The following TRIM16 variants were observed in gnomAD, a reference collection of about 807,000 sequenced individuals.
TRIM16 encodes the protein tripartite motif-containing protein 16.
Under a neutral mutation model 50.4 loss-of-function variants are expected in TRIM16, and 33 were observed. The observed-to-expected ratio is 0.65, with a 90% CI of 0.50 to 0.88. The LOEUF (loss-of-function observed/expected upper bound fraction) is 0.88. Among genes scored for constraint, TRIM16 ranks in the 40% least tolerant of loss-of-function variants. The pLI is 0.00. For missense variants in TRIM16, 581 were observed against 686.8 expected (o/e 0.85, Z 1.72); for synonymous variants, 229 against 270.7 (o/e 0.85, Z 1.51).
At chr17:15,644,248 C>T (rs1238271691) in intron 7 of TRIM16, among the ~76,000 whole-genome samples, 4 of 152,026 alleles carry the variant, frequency 2.6e-5, no homozygotes, top group African/African-American at 4.8e-5. Flanking sequence ...TGCAGTGGCG[C>T]GATCTCGACT....
intron 7 of TRIM16, among the ~76,000 whole-genome samples, chr17:15,650,237 G>T (rs1406837716): frequency 6.6e-6 from 1 of 152,214 alleles, no homozygotes; most frequent in African/African-American, 2.4e-5. Context: ...CTTCCTTGAT[G>T]ATTAATGTAG....
chr17:15,629,110 G>A lies in TRIM16; in HGVS notation c.1200C>T (p.Pro400=). Residue 400 remains proline (P), a synonymous_variant, in exon 12 of 12, where the codon CCC becomes CCT. Transcript: ENST00000649191. The part of the protein sequence containing the change: ...EENRKVTNTT[P]WEHPYPDLPS... ...GGAGGTCCGGGTAGGGATGCTCCCA[G>A]GGCGTGGTGTTGGTGACCTTGCGGT... 2 of 1,613,822 alleles carry A rather than the reference G, an allele frequency of 1.2e-6. No homozygotes were observed. The highest frequency in any genetic ancestry group is 1.7e-6 in the Non-Finnish European group (2 of 1,179,820).
At chr17:15,634,646 A>C (rs1482517870) in intron 9 of TRIM16, among the ~76,000 whole-genome samples, 2 of 128,828 alleles carry the variant, frequency 1.6e-5, no homozygotes, top group Non-Finnish European at 3.1e-5. Context: ...AAAAAAAAAA[A>C]CAAATAAAAA....
intron 6 of TRIM16, among the ~76,000 whole-genome samples, chr17:15,670,502 T>G (rs1988679726): frequency 6.6e-6 from 1 of 152,062 alleles, no homozygotes; most frequent in South Asian, 2.1e-4. Flanking sequence ...GGTTGGGAGG[T>G]CTGTGGAAGC....
At chr17:15,655,598 G>A (rs553390926) in intron 6 of TRIM16, among the ~76,000 whole-genome samples, 94 of 151,060 alleles carry the variant, frequency 6.2e-4, no homozygotes, top group Non-Finnish European at 1.0e-3. Context: ...TTTTTGAGAC[G>A]GAGTATCGCT....
In TRIM16 at chr17:15,641,413, T is replaced by C. The variant is rs1369011940; in HGVS notation, c.615+1308A>G. Reference sequence around the variant, plus strand: ...CAATCTAGATGGCCCTAGACAAGTATTGTCATCTCTCCATGTCTTCATGCC... The same window carrying C: ...CAATCTAGATGGCCCTAGACAAGTACTGTCATCTCTCCATGTCTTCATGCC... On this transcript the variant is annotated intron_variant, in intron 8 of 11. Transcript: ENST00000649191. Among the ~76,000 whole-genome samples, 6 of 148,908 alleles carry C rather than the reference T, an allele frequency of 4.0e-5. No homozygotes were observed. In the South Asian group the frequency reaches 1.3e-3, roughly 32 times the overall value.
intron 6 of TRIM16, among the ~76,000 whole-genome samples, chr17:15,652,405 C>G (rs1310282309): frequency 2.7e-5 from 4 of 148,590 alleles, no homozygotes; most frequent in Non-Finnish European, 4.5e-5. Flanking sequence ...GTGATCCACC[C>G]GCCTCGGCCT....
chr17:15,632,093 A>C (rs1986455012), intron 10 of TRIM16: 1 of 307,488 alleles, frequency 3.3e-6, no homozygotes, highest in Non-Finnish European at 6.2e-6. Flanking sequence ...CATGGCTTTG[A>C]AAATGAGACA....
At position 15,628,997 on chromosome 17, in the gene TRIM16, G is replaced by A. The variant is rs1383544112; in HGVS notation, c.1313C>T (p.Ala438Val). ...GCAGGTCAGGCCAACATAGGTGCCT[G>A]CCCCGAAGATCTCCACCTCAAAATA... Reference protein sequence around the residue: ...RYYFEVEIFGAGTYVGLTCKG... With the variant: ...RYYFEVEIFGVGTYVGLTCKG... The change falls in exon 12 of 12, where the codon GCA becomes GTA. Residue 438 changes from alanine (A) to valine (V), a missense_variant. This residue lies in a region of TRIM16 where 450 missense variants were observed against 544.3 expected (regional missense o/e 0.83). Transcript: ENST00000649191. 1.2e-6 allele frequency: 2 copies of A among 1,613,734 alleles called. No individual in the cohort carries two copies. The highest frequency in any genetic ancestry group is 1.3e-5 in the African/African-American group (1 of 74,852).
intron 6 of TRIM16, among the ~76,000 whole-genome samples, chr17:15,675,796 T>C (rs1199281400): frequency 6.7e-6 from 1 of 148,694 alleles, no homozygotes; most frequent in Non-Finnish European, 1.5e-5. Flanking sequence ...TATATATACA[T>C]GTGTATATAC....
At chr17:15,641,308 G>A (rs1206910354) in intron 8 of TRIM16, among the ~76,000 whole-genome samples, 1 of 148,878 alleles carries the variant, frequency 6.7e-6, no homozygotes, top group African/African-American at 2.5e-5. Flanking sequence ...TTAAAGATTT[G>A]AGGATGGTGT....
chr17:15,672,797 ACAGT>A (rs777121985), intron 6 of TRIM16, among the ~76,000 whole-genome samples: 12 of 152,248 alleles, frequency 7.9e-5, no homozygotes, highest in Non-Finnish European at 5.9e-5. Flanking sequence ...TACTAACAGT[ACAGT>A]CAGAGTAAAC....
intron 1 of TRIM16, 23 bp downstream of exon 1, chr17:15,684,173 A>T (rs891676441): frequency 5.9e-5 from 9 of 152,164 alleles, no homozygotes; most frequent in Non-Finnish European, 7.3e-5. Context: ...CAAGTCTGAC[A>T]ATCCACTGCT....
At chr17:15,646,642 A>G (rs1446171420) in intron 7 of TRIM16, among the ~76,000 whole-genome samples, 1 of 146,742 alleles carries the variant, frequency 6.8e-6, no homozygotes, top group African/African-American at 2.6e-5. Flanking sequence ...GTGGCACACA[A>G]AGAGTGGCAG....
Position 15,677,160 on chromosome 17 carries a change from C to T in TRIM16, c.-338+16G>A, listed in dbSNP as rs1988986464. ...CTCTTATTTCTAAAGATGCAATCTG[C>T]CTTGTTCTCACTTACGTGTACCGCT... is the stretch of plus-strand genomic sequence containing the variant. On this transcript the variant is annotated intron_variant, in intron 6 of 11. Coordinates refer to ENST00000649191, the MANE Select transcript of TRIM16 (RefSeq NM_001348119.1). 1.0e-6 allele frequency: 1 copy of T among 985,110 alleles called. No individual in the cohort carries two copies. Among genetic ancestry groups the T allele is most frequent in the African/African-American group, 1.7e-5 (1 of 57,212 alleles). The allele number at this position is 985,110 out of a possible 1,614,324, so 61.0% of individuals were successfully genotyped here.
intron 6 of TRIM16, among the ~76,000 whole-genome samples, chr17:15,653,255 C>T (rs1313797660): frequency 6.6e-6 from 1 of 152,230 alleles, no homozygotes; most frequent in African/African-American, 2.4e-5. Flanking sequence ...CGGCCTGAGG[C>T]CCTCACCAGA....
intron 8 of TRIM16, among the ~76,000 whole-genome samples, chr17:15,640,315 G>A (rs1987059055): frequency 6.7e-6 from 1 of 148,396 alleles, no homozygotes; most frequent in African/African-American, 2.5e-5. Flanking sequence ...TGAGCTTTCA[G>A]CCCATGGGCT....
chr17:15,647,044 G>A (rs1317150395), intron 7 of TRIM16, among the ~76,000 whole-genome samples: 1 of 150,260 alleles, frequency 6.7e-6, no homozygotes, highest in African/African-American at 2.5e-5. Flanking sequence ...TCGGTTCACT[G>A]CAACCTCCAC....
At chr17:15,671,622 C>T (rs1171229969) in intron 6 of TRIM16, among the ~76,000 whole-genome samples, 2 of 151,558 alleles carry the variant, frequency 1.3e-5, no homozygotes, top group Non-Finnish European at 2.9e-5. Context: ...TTTTTTTAAC[C>T]GTATGCAAGT....
Sources: gnomAD v4.1 joint callset for allele counts (sites outside exome capture counted in the v4.1 genomes callset) on GRCh38, gnomAD v4.1.1 for gene constraint, gnomAD v4.1.1 regional missense constraint, MANE v1.5 for transcripts, NCBI Gene and HGNC (gene_info 2026-07-23, HGNC 2026-07-21) for gene names.